The following MDGA2 variants were observed in gnomAD, a reference collection of about 807,000 sequenced individuals.
MDGA2 encodes the protein MAM domain containing glycosylphosphatidylinositol anchor 2, also known as MAM domain-containing glycosylphosphatidylinositol anchor protein 2.
In MDGA2, 40 loss-of-function variants were observed where a neutral mutation model predicts 117.8. The ratio of observed to expected loss-of-function variants is 0.34; its 90% CI spans 0.26 to 0.44. The LOEUF is 0.44. MDGA2 is among the 20% of genes least tolerant of loss of function. MDGA2 has a pLI of 1.00. For missense variants in MDGA2, 1,123 were observed against 1,250.6 expected (o/e 0.90, Z 1.54); for synonymous variants, 452 against 439.0 (o/e 1.03, Z -0.37).
At chr14:47,190,578 A>T (rs1409112616) in intron 3 of MDGA2, among the ~76,000 whole-genome samples, 1 of 152,180 alleles carries the variant, frequency 6.6e-6, no homozygotes, top group African/African-American at 2.4e-5. Context: ...AATAACAACA[A>T]CAACAAAATA....
intron 2 of MDGA2, among the ~76,000 whole-genome samples, chr14:47,277,514 T>G (rs1163838468): frequency 6.6e-6 from 1 of 152,196 alleles, no homozygotes; most frequent in Non-Finnish European, 1.5e-5. Context: ...ATATTCATTG[T>G]CTAATTCTTA....
At chr14:47,488,380 G>A (rs1172403942) in intron 1 of MDGA2, among the ~76,000 whole-genome samples, 1 of 152,104 alleles carries the variant, frequency 6.6e-6, no homozygotes, top group Non-Finnish European at 1.5e-5. Context: ...ACCAGATTCA[G>A]GGAAATTATT....
chr14:47,111,198 G>C (rs1487833843), intron 5 of MDGA2, among the ~76,000 whole-genome samples: 1 of 152,066 alleles, frequency 6.6e-6, no homozygotes, highest in African/African-American at 2.4e-5. Context: ...AAACCATTTA[G>C]AAACACTTTT....
intron 1 of MDGA2, among the ~76,000 whole-genome samples, chr14:47,334,306 A>C (rs1890378582): frequency 6.6e-6 from 1 of 151,876 alleles, no homozygotes; most frequent in Non-Finnish European, 1.5e-5. Context: ...TCATTATTAA[A>C]AATCCTTTTC....
intron 15 of MDGA2, among the ~76,000 whole-genome samples, chr14:46,852,224 A>C (rs1232828276): frequency 6.6e-6 from 1 of 151,840 alleles, no homozygotes; most frequent in African/African-American, 2.4e-5. Flanking sequence ...AGTAACAGGA[A>C]CAAGGCTATA....
At chr14:47,415,117 G>C (rs1370627147) in intron 1 of MDGA2, among the ~76,000 whole-genome samples, 1 of 151,910 alleles carries the variant, frequency 6.6e-6, no homozygotes, top group African/African-American at 2.4e-5. Context: ...TTAATTGGAG[G>C]AACAAAACTG....
intron 2 of MDGA2, among the ~76,000 whole-genome samples, chr14:47,298,725 C>G (rs564616417): frequency 6.8e-6 from 1 of 147,870 alleles, no homozygotes; most frequent in Non-Finnish European, 1.5e-5. Context: ...CGTTCTGTCG[C>G]CCAGGCTGGA....
chr14:46,952,203 A>G (rs1885393665), intron 9 of MDGA2, among the ~76,000 whole-genome samples: 1 of 151,728 alleles, frequency 6.6e-6, no homozygotes. Flanking sequence ...TTGACGGTGA[A>G]GCAATACAAT....
intron 1 of MDGA2, among the ~76,000 whole-genome samples, chr14:47,320,757 G>A (rs1455230569): frequency 6.6e-6 from 1 of 152,096 alleles, no homozygotes; most frequent in Non-Finnish European, 1.5e-5. Flanking sequence ...TTAAGTGAAG[G>A]ATGGTTATAA....
chr14:47,090,383 CAA>C (rs11413326), intron 6 of MDGA2, among the ~76,000 whole-genome samples: 3 of 149,962 alleles, frequency 2.0e-5, no homozygotes, highest in Non-Finnish European at 3.0e-5. Context: ...ATCCTATCCA[CAA>C]AAAAAAAATG....
At chr14:46,927,810 T>C (rs1884388470) in intron 9 of MDGA2, among the ~76,000 whole-genome samples, 1 of 152,202 alleles carries the variant, frequency 6.6e-6, no homozygotes, top group Non-Finnish European at 1.5e-5. Flanking sequence ...AGCTGGTGTA[T>C]TCATCCCTTA....
At chr14:47,298,208 C>G (rs1209227745) in intron 2 of MDGA2, among the ~76,000 whole-genome samples, 1 of 152,134 alleles carries the variant, frequency 6.6e-6, no homozygotes, top group African/African-American at 2.4e-5. Context: ...GCCAGGGTTA[C>G]ATCCAGACAA....
rs765832433 is a variant in MDGA2, at chr14:47,097,014, G to C, written c.1035C>G (p.Thr345=). 1 of 1,613,312 alleles carries C rather than the reference G, an allele frequency of 6.2e-7. No individual in the cohort carries two copies. Among genetic ancestry groups the C allele is most frequent in the Non-Finnish European group, 8.5e-7 (1 of 1,179,470 alleles). ...TTGGEPAPSL[T]WVRSFGTLPE... is the part of the protein sequence containing the mutation. ...GCAGAGTCCCAAAGGACCTGACCCA[G>C]GTGAGAGAAGGTGCAGGCTCTCCTC... Residue 345 remains threonine (T), a synonymous_variant, in exon 6 of 17, where the codon ACC becomes ACG. Coordinates refer to ENST00000399232, the MANE Select transcript of MDGA2 (RefSeq NM_001113498.3).
chr14:47,203,683 C>G (rs1237598559), intron 3 of MDGA2, among the ~76,000 whole-genome samples: 1 of 151,862 alleles, frequency 6.6e-6, no homozygotes, highest in African/African-American at 2.4e-5. Flanking sequence ...GCTTTGTGAA[C>G]CAGGGTAATT....
chr14:47,460,915 T>C (rs1171678151), intron 1 of MDGA2, among the ~76,000 whole-genome samples: 2 of 152,176 alleles, frequency 1.3e-5, no homozygotes, highest in African/African-American at 4.8e-5. Context: ...TCCAAACACA[T>C]TAATTATAAA....
chr14:47,493,593 CA>C (rs1342884903), intron 1 of MDGA2, among the ~76,000 whole-genome samples: 3 of 152,076 alleles, frequency 2.0e-5, no homozygotes, highest in Non-Finnish European at 4.4e-5. Context: ...GCTGGGATTA[CA>C]GGTGTGAGCC....
chr14:47,274,564 G>C (rs1048752644), intron 2 of MDGA2, among the ~76,000 whole-genome samples: 4 of 152,000 alleles, frequency 2.6e-5, no homozygotes, highest in Admixed American at 1.3e-4. Context: ...TTTGTGCGAA[G>C]GTATGTTTTT....
intron 2 of MDGA2, among the ~76,000 whole-genome samples, chr14:47,238,737 A>T (rs1433440364): frequency 1.3e-5 from 2 of 151,762 alleles, no homozygotes; most frequent in East Asian, 3.8e-4. Flanking sequence ...ATAGAAAGTA[A>T]AAGTTCAGGA....
intron 9 of MDGA2, among the ~76,000 whole-genome samples, chr14:46,940,499 G>T (rs1413661734): frequency 6.6e-6 from 1 of 151,930 alleles, no homozygotes; most frequent in African/African-American, 2.4e-5. Flanking sequence ...ATGATGGCGG[G>T]CGCCTGTAAT....
Sources: gnomAD v4.1 joint callset for allele counts (sites outside exome capture counted in the v4.1 genomes callset) on GRCh38, gnomAD v4.1.1 for gene constraint, MANE v1.5 for transcripts, NCBI Gene and HGNC (gene_info 2026-07-23, HGNC 2026-07-21) for gene names.